Variants in TRIQK observed in about 807,000 individuals in gnomAD.
The protein encoded by TRIQK is triple QxxK/R motif-containing protein.
Under a neutral mutation model 10.8 loss-of-function variants are expected in TRIQK, and 10 were observed. That is an observed-to-expected ratio of 0.92 (90% CI 0.57 to 1.57). The LOEUF (loss-of-function observed/expected upper bound fraction) is 1.57, where lower values mean the gene tolerates loss of function less well. Among genes scored for constraint, TRIQK ranks in the 40% most tolerant of loss-of-function variants. The pLI, the probability that TRIQK is intolerant of heterozygous loss-of-function variation, is 0.00. For synonymous variants in TRIQK, 33 were observed against 33.7 expected, an observed-to-expected ratio of 0.98 and a Z score of 0.07; for missense variants, 107 against 97.7, an observed-to-expected ratio of 1.09 and a Z score of -0.40.
At chr8:92,996,273 T>C (rs532568622) in intron 1 of TRIQK, among the ~76,000 whole-genome samples, 1 of 152,218 alleles carries the variant, frequency 6.6e-6, no homozygotes, top group African/African-American at 2.4e-5. Flanking sequence ...TCTTTCAAAA[T>C]AGTTTAAATT....
rs563497362 is a variant in TRIQK at position 92,957,974 on chromosome 8, T to G, written c.-180-3410A>C. Among the ~76,000 whole-genome samples, 12 of 152,068 alleles carry G rather than the reference T, an allele frequency of 7.9e-5. No homozygotes were observed. In the East Asian group the frequency reaches 2.3e-3, roughly 29 times the overall value. On this transcript the variant is annotated intron_variant, in intron 1 of 4. Coordinates refer to ENST00000521988, the MANE Select transcript of TRIQK (RefSeq NM_001171797.2). ...CATAGAATTAAAGAACTTTAGAAAG[T>G]GTGGTACAGTATTTGAAAAAGCTTC...
At chr8:92,939,113 G>A (rs1811142841) in intron 2 of TRIQK, among the ~76,000 whole-genome samples, 1 of 152,038 alleles carries the variant, frequency 6.6e-6, no homozygotes, top group Non-Finnish European at 1.5e-5. Flanking sequence ...AAACAATTGG[G>A]GCTTTTTGTT....
intron 1 of TRIQK, among the ~76,000 whole-genome samples, chr8:92,986,860 C>T (rs763566616): frequency 1.3e-5 from 2 of 152,028 alleles, no homozygotes; most frequent in Non-Finnish European, 2.9e-5. Flanking sequence ...TGGGTGCCAT[C>T]TAAGGATGAT....
At chr8:92,981,261 C>G (rs974043174) in intron 1 of TRIQK, among the ~76,000 whole-genome samples, 2 of 151,474 alleles carry the variant, frequency 1.3e-5, no homozygotes, top group Admixed American at 1.3e-4. Flanking sequence ...TTTGAGGTCT[C>G]TTTGTAGTTT....
chr8:93,017,005 T>C (rs1813390066), intron 1 of TRIQK, among the ~76,000 whole-genome samples: 1 of 152,056 alleles, frequency 6.6e-6, no homozygotes, highest in Admixed American at 6.6e-5. Flanking sequence ...AAAAACAAGC[T>C]ACAGTATAAT....
At chr8:92,989,265 G>T (rs1563673562) in intron 1 of TRIQK, among the ~76,000 whole-genome samples, 1 of 152,166 alleles carries the variant, frequency 6.6e-6, no homozygotes, top group Non-Finnish European at 1.5e-5. Flanking sequence ...AAATATGTCA[G>T]AATACCTGAA....
rs913697918 is a variant in TRIQK at position 92,954,509 on chromosome 8, T to C, written c.-125A>G. ...CTTTAGTTAGGTAGCAGTGCTTGCA[T>C]TCCTGGCAAATTCAATTCCAAATAC... On this transcript the variant is annotated 5_prime_UTR_variant, in exon 2 of 5. It removes an upstream start codon present in the reference 5' UTR. Coordinates refer to ENST00000521988, the MANE Select transcript of TRIQK (RefSeq NM_001171797.2). 4 of 151,954 alleles carry C rather than the reference T, an allele frequency of 2.6e-5. No homozygotes were observed. The highest frequency in any genetic ancestry group is 2.1e-4 in the South Asian group (1 of 4,832). The allele number at this position is 151,954 out of a possible 1,614,324, so 9.4% of individuals were successfully genotyped here.
chr8:92,967,298 A>T (rs201573668), upstream of TRIQK, among the ~76,000 whole-genome samples: 1 of 115,088 alleles, frequency 8.7e-6, no homozygotes, highest in Admixed American at 8.0e-5. Flanking sequence ...GAAAAAAGAA[A>T]AAAAAAAAGA....
chr8:92,930,385 G>C (rs1810654739), intron 2 of TRIQK, among the ~76,000 whole-genome samples: 1 of 92,184 alleles, frequency 1.1e-5, no homozygotes, highest in Non-Finnish European at 2.0e-5. Context: ...GCGAGACTAG[G>C]TCTCCAAAAA....
chr8:92,946,464 C>T (rs953399768), intron 2 of TRIQK, among the ~76,000 whole-genome samples: 5 of 152,042 alleles, frequency 3.3e-5, no homozygotes, highest in African/African-American at 9.7e-5. Context: ...AACTCATAAA[C>T]CAGGACATTC....
chr8:92,911,760 CAT>C (rs1293497956), intron 3 of TRIQK, among the ~76,000 whole-genome samples: 1 of 149,832 alleles, frequency 6.7e-6, no homozygotes, highest in African/African-American at 2.4e-5. Flanking sequence ...CACATATATG[CAT>C]ATGTGTACAT....
intron 2 of TRIQK, among the ~76,000 whole-genome samples, chr8:92,949,709 AAGGG>A (rs1217227390): frequency 6.6e-5 from 6 of 91,410 alleles, no homozygotes; most frequent in East Asian, 3.4e-4. Context: ...AAGAGAAAGG[AAGGG>A]AGGGAGGGAG....
chr8:92,979,547 G>T (rs1421738936), intron 1 of TRIQK, among the ~76,000 whole-genome samples: 1 of 151,996 alleles, frequency 6.6e-6, no homozygotes, highest in Non-Finnish European at 1.5e-5. Flanking sequence ...GTATTGCAAA[G>T]ACCTTGCCAT....
intron 1 of TRIQK, among the ~76,000 whole-genome samples, chr8:92,991,369 G>C (rs1321128256): frequency 6.6e-6 from 1 of 152,244 alleles, no homozygotes; most frequent in African/African-American, 2.4e-5. Flanking sequence ...TCTGAAGAGA[G>C]CAGTGGATCT....
chr8:92,994,962 T>G (rs1813138074), intron 1 of TRIQK, among the ~76,000 whole-genome samples: 1 of 152,064 alleles, frequency 6.6e-6, no homozygotes, highest in Admixed American at 6.6e-5. Flanking sequence ...ATGTTACTAA[T>G]TCACAGTCAC....
intron 3 of TRIQK, among the ~76,000 whole-genome samples, chr8:92,914,017 T>C (rs1809705067): frequency 6.6e-6 from 1 of 152,098 alleles, no homozygotes; most frequent in Admixed American, 6.6e-5. Flanking sequence ...ATACCTAATA[T>C]AGATGACGGG....
At chr8:92,947,884 A>C (rs1045749046) in intron 2 of TRIQK, among the ~76,000 whole-genome samples, 4 of 152,066 alleles carry the variant, frequency 2.6e-5, no homozygotes, top group African/African-American at 9.7e-5. Context: ...GTAGAAGAAA[A>C]CTAAGACAGG....
chr8:92,978,410 A>C (rs531547895), intron 1 of TRIQK, among the ~76,000 whole-genome samples: 87 of 152,266 alleles, frequency 5.7e-4, no homozygotes, highest in African/African-American at 2.0e-3. Context: ...ATTTCAGCTG[A>C]AGTTTAAATC....
At chr8:92,997,655 C>CA (rs1253740480) in intron 1 of TRIQK, among the ~76,000 whole-genome samples, 17 of 152,080 alleles carry the variant, frequency 1.1e-4, no homozygotes, top group Admixed American at 3.9e-4. Flanking sequence ...CTGAAAAAGG[C>CA]ACTAGCACCT....
Sources: allele counts gnomAD v4.1 joint callset (sites outside exome capture counted in the v4.1 genomes callset), GRCh38; gene constraint gnomAD v4.1.1; transcripts MANE v1.5; gene names NCBI Gene and HGNC (gene_info 2026-07-23, HGNC 2026-07-21).